The following NRG3 variants were observed in gnomAD, a reference collection of about 807,000 sequenced individuals.
NRG3 encodes pro-neuregulin-3, membrane-bound isoform.
In NRG3, 31 loss-of-function variants were observed where a neutral mutation model predicts 66.9. The ratio of observed to expected loss-of-function variants is 0.46; its 90% CI spans 0.35 to 0.63. The LOEUF (loss-of-function observed/expected upper bound fraction) is 0.63, where lower values mean the gene tolerates loss of function less well. Ranked by LOEUF, NRG3 falls within the 20% of genes least tolerant of loss-of-function variation. The probability of loss-of-function intolerance (pLI) is 0.00; values close to 1 mark genes in which losing one functional copy is unlikely to be tolerated. For synonymous variants in NRG3, 393 were observed against 359.4 expected (o/e 1.09, Z -1.06); for missense variants, 910 against 878.9 (o/e 1.04, Z -0.45).
chr10:82,542,360 A>G (rs2043602060), intron 2 of NRG3, among the ~76,000 whole-genome samples: 1 of 152,206 alleles, frequency 6.6e-6, no homozygotes, highest in South Asian at 2.1e-4. Context: ...AATTATAGGG[A>G]CATATAGAGG....
At chr10:82,263,955 A>G (rs1220111247) in intron 1 of NRG3, among the ~76,000 whole-genome samples, 1 of 152,188 alleles carries the variant, frequency 6.6e-6, no homozygotes, top group Non-Finnish European at 1.5e-5. Flanking sequence ...AAATGAGTCA[A>G]AGTTAACTCA....
intron 2 of NRG3, among the ~76,000 whole-genome samples, chr10:82,495,100 C>T (rs1284487948): frequency 6.6e-6 from 1 of 151,918 alleles, no homozygotes; most frequent in African/African-American, 2.4e-5. Flanking sequence ...GCCACCACAC[C>T]CAGCTAATTT....
At chr10:82,718,037 C>A (rs1417640084) in intron 2 of NRG3, among the ~76,000 whole-genome samples, 1 of 152,032 alleles carries the variant, frequency 6.6e-6, no homozygotes, top group Non-Finnish European at 1.5e-5. Flanking sequence ...CTAACATATT[C>A]CTCTGAGTAA....
intron 1 of NRG3, among the ~76,000 whole-genome samples, chr10:82,187,571 G>A (rs887117731): frequency 2.6e-5 from 4 of 152,060 alleles, no homozygotes; most frequent in East Asian, 1.9e-4. Flanking sequence ...CCCAGGATTC[G>A]TCACCATCAT....
intron 2 of NRG3, among the ~76,000 whole-genome samples, chr10:82,415,703 C>T (rs373321854): frequency 1.3e-5 from 2 of 152,174 alleles, no homozygotes; most frequent in East Asian, 1.9e-4. Flanking sequence ...TACTTGTTTT[C>T]GTTCTGTGAC....
At chr10:82,331,521 C>T (rs2082133392) in intron 1 of NRG3, among the ~76,000 whole-genome samples, 1 of 152,162 alleles carries the variant, frequency 6.6e-6, no homozygotes, top group South Asian at 2.1e-4. Flanking sequence ...AAATAAACTG[C>T]AAACTGTGCT....
intron 2 of NRG3, among the ~76,000 whole-genome samples, chr10:82,617,591 T>G (rs1430130019): frequency 6.6e-6 from 1 of 152,186 alleles, no homozygotes; most frequent in Non-Finnish European, 1.5e-5. Flanking sequence ...GAAGTCATCC[T>G]ATGAAGTCTA....
intron 6 of NRG3, among the ~76,000 whole-genome samples, chr10:82,959,968 G>A (rs1204423810): frequency 6.6e-6 from 1 of 152,196 alleles, no homozygotes; most frequent in African/African-American, 2.4e-5. Context: ...TTCAGAATCT[G>A]AGGCATAAAA....
intron 3 of NRG3, among the ~76,000 whole-genome samples, chr10:82,750,699 T>TAA (rs2058829084): frequency 1.3e-5 from 2 of 152,166 alleles, no homozygotes; most frequent in Admixed American, 6.6e-5. Context: ...CCTACAAAAA[T>TAA]AATCAATTTG....
intron 1 of NRG3, among the ~76,000 whole-genome samples, chr10:82,029,044 A>T (rs2062447386): frequency 6.6e-6 from 1 of 152,014 alleles, no homozygotes. Context: ...CCCCGTTTTT[A>T]CTAAAAATAG....
At chr10:82,623,523 G>A (rs1372256504) in intron 2 of NRG3, among the ~76,000 whole-genome samples, 1 of 152,032 alleles carries the variant, frequency 6.6e-6, no homozygotes, top group East Asian at 1.9e-4. Flanking sequence ...TATGTGCCAG[G>A]CATTATGATG....
chr10:82,874,870 T>G (rs1841664907), intron 4 of NRG3, among the ~76,000 whole-genome samples: 2 of 152,176 alleles, frequency 1.3e-5, no homozygotes, highest in Non-Finnish European at 2.9e-5. Flanking sequence ...TTGCAGTGTT[T>G]CAAATGGCAA....
intron 1 of NRG3, among the ~76,000 whole-genome samples, chr10:82,015,669 C>A (rs74700359): frequency 0.018 from 2,672 of 152,002 alleles, 109 homozygotes; most frequent in East Asian, 0.14. Flanking sequence ...ACATGTGAGT[C>A]AATTAAACCT....
chr10:81,969,997 C>A (rs751692138), intron 1 of NRG3, among the ~76,000 whole-genome samples: 2 of 152,050 alleles, frequency 1.3e-5, no homozygotes, highest in African/African-American at 4.8e-5. Flanking sequence ...TTAAATATTG[C>A]TTCTATCATA....
rs2083943426 is a variant in NRG3 at position 82,358,842 on chromosome 10, C to T, written c.927C>T (p.Thr309=). Residue 309 remains threonine (T), a synonymous_variant, in exon 2 of 9, where the codon ACC becomes ACT. Transcript: ENST00000372141. ...ATGGCGAGTGCTTTGTGATCGAAACCCTGACCGGATCCCATAAACACTGTC... is the reference window on the plus strand; with the variant it reads ...ATGGCGAGTGCTTTGTGATCGAAACTCTGACCGGATCCCATAAACACTGTC... ...LNDGECFVIE[T]LTGSHKHCRC... is the part of the protein sequence containing the mutation. 1.9e-6 allele frequency: 3 copies of T among 1,614,032 alleles called. No homozygotes were observed. The Admixed American group carries it at 5.0e-5, about 27-fold the overall frequency.
chr10:82,973,810 C>T lies in NRG3; in HGVS notation c.1307C>T (p.Pro436Leu). The T allele has an allele frequency of 6.2e-7, 1 of 1,614,028 alleles. No individual in the cohort carries two copies. The highest frequency in any genetic ancestry group is 2.2e-5 in the East Asian group (1 of 44,874). ...CAGTATTCAAAGGTGGAAAGGCATC[C>T]TGTGACTGCATTGGAGAAAATGATG... Reference protein sequence around the residue: ...LQNYSKVERHPVTALEKMMES... With the variant: ...LQNYSKVERHLVTALEKMMES... The change falls in exon 7 of 9, where the codon CCT becomes CTT. Residue 436 changes from proline (P) to leucine (L), a missense_variant. By Grantham distance (98) the Pro-to-Leu change is moderately conservative. Transcript: ENST00000372141.
At chr10:82,913,888 A>T (rs551096449) in intron 4 of NRG3, among the ~76,000 whole-genome samples, 1 of 152,160 alleles carries the variant, frequency 6.6e-6, no homozygotes, top group East Asian at 1.9e-4. Context: ...AACCTTTTCT[A>T]TATGGTTTTC....
Position 82,279,711 on chromosome 10 carries a change from C to G in NRG3, c.824-79028C>G, listed in dbSNP as rs186472686. On this transcript the variant is annotated intron_variant, in intron 1 of 8. Transcript: ENST00000372141. Reference sequence around the variant, plus strand: ...CATGAAGTTGTTTGCATACCTCAAACAAATATGTGAGGCTGTCTCCATCAG... The same window carrying G: ...CATGAAGTTGTTTGCATACCTCAAAGAAATATGTGAGGCTGTCTCCATCAG... Among the ~76,000 whole-genome samples the G allele has an allele frequency of 2.6e-5, 4 of 152,270 alleles. No individual in the cohort carries two copies. In the East Asian group the frequency reaches 7.7e-4, roughly 29 times the overall value.
At chr10:82,482,543 G>T (rs1413680599) in intron 2 of NRG3, among the ~76,000 whole-genome samples, 1 of 151,920 alleles carries the variant, frequency 6.6e-6, no homozygotes, top group East Asian at 1.9e-4. Context: ...AGGGAAACAG[G>T]CAAGGTCAGT....
Sources: gnomAD v4.1 joint callset for allele counts (sites outside exome capture counted in the v4.1 genomes callset) on GRCh38, gnomAD v4.1.1 for gene constraint, MANE v1.5 for transcripts, NCBI Gene and HGNC (gene_info 2026-07-23, HGNC 2026-07-21) for gene names.